CTNND2: variants seen among roughly 807,000 people sequenced by gnomAD.
The protein encoded by CTNND2 is catenin delta 2, also known as catenin delta-2.
Under a neutral mutation model 144.4 loss-of-function variants are expected in CTNND2, and 22 were observed. The observed-to-expected ratio is 0.15, with a 90% CI of 0.11 to 0.22. The LOEUF is 0.22. Ranked by LOEUF, CTNND2 falls within the 10% of genes least tolerant of loss-of-function variation. The pLI is 1.00. For synonymous variants in CTNND2, 751 were observed against 695.6 expected (o/e 1.08, Z -1.25); for missense variants, 1,353 against 1,618.8 (o/e 0.84, Z 2.82).
intron 2 of CTNND2, among the ~76,000 whole-genome samples, chr5:11,698,694 A>G (rs1182430828): frequency 1.3e-5 from 2 of 152,302 alleles, no homozygotes; most frequent in Admixed American, 6.5e-5. Flanking sequence ...AAATTTTCAT[A>G]TAAAGAATTT....
chr5:11,736,718 C>G (rs1412508905), intron 1 of CTNND2, among the ~76,000 whole-genome samples: 1 of 152,110 alleles, frequency 6.6e-6, no homozygotes, highest in Non-Finnish European at 1.5e-5. Flanking sequence ...ATCTGTGCAA[C>G]CAGGAAATCT....
At chr5:11,361,635 A>G (rs1007843651) in intron 8 of CTNND2, among the ~76,000 whole-genome samples, 2 of 152,200 alleles carry the variant, frequency 1.3e-5, no homozygotes, top group African/African-American at 4.8e-5. Flanking sequence ...CACTCCCTGG[A>G]AGAAGTTACA....
chr5:11,404,602 C>CTT (rs555388304), intron 5 of CTNND2, among the ~76,000 whole-genome samples: 7,461 of 57,000 alleles, frequency 0.13, 2,833 homozygotes, highest in Non-Finnish European at 0.2. Flanking sequence ...TATCTGTATT[C>CTT]TTTTTTTTTT....
chr5:11,688,923 C>T (rs75916071), intron 2 of CTNND2, among the ~76,000 whole-genome samples: 6,307 of 152,238 alleles, frequency 0.041, 159 homozygotes, highest in African/African-American at 0.073. Flanking sequence ...TGATCACAGA[C>T]GGAGTTGCCC....
At chr5:11,152,248 C>G (rs889332339) in intron 12 of CTNND2, among the ~76,000 whole-genome samples, 4 of 152,174 alleles carry the variant, frequency 2.6e-5, no homozygotes, top group African/African-American at 9.7e-5. Context: ...TGATATTATG[C>G]AGTAATTTCA....
intron 2 of CTNND2, among the ~76,000 whole-genome samples, chr5:11,619,980 G>A (rs1365021334): frequency 6.6e-6 from 1 of 152,090 alleles, no homozygotes; most frequent in Non-Finnish European, 1.5e-5. Flanking sequence ...TTCAATAAAT[G>A]TTTAAAATAA....
chr5:11,685,859 C>T (rs943526223), intron 2 of CTNND2, among the ~76,000 whole-genome samples: 3 of 152,254 alleles, frequency 2.0e-5, no homozygotes, highest in Admixed American at 6.5e-5. Flanking sequence ...TCTTTACATT[C>T]TCTAAGAATA....
At chr5:11,638,342 TA>T (rs1479851357) in intron 2 of CTNND2, among the ~76,000 whole-genome samples, 1 of 152,212 alleles carries the variant, frequency 6.6e-6, no homozygotes, top group Non-Finnish European at 1.5e-5. Flanking sequence ...ACTTATGGTA[TA>T]ATTCTACTTT....
intron 2 of CTNND2, among the ~76,000 whole-genome samples, chr5:11,660,702 A>T (rs1783154292): frequency 6.6e-6 from 1 of 152,164 alleles, no homozygotes; most frequent in Non-Finnish European, 1.5e-5. Flanking sequence ...TGGTACCCTT[A>T]AAAAAGTCAC....
chr5:11,857,677 T>A (rs983396086), intron 1 of CTNND2, among the ~76,000 whole-genome samples: 4 of 152,188 alleles, frequency 2.6e-5, no homozygotes, highest in Admixed American at 6.5e-5. Flanking sequence ...TAGTGTCATA[T>A]TTAATAAATT....
intron 1 of CTNND2, among the ~76,000 whole-genome samples, chr5:11,880,520 TACTACTACTACC>T (rs1735967321): frequency 1.4e-5 from 1 of 70,764 alleles, no homozygotes. Context: ...CTACTACCAC[TACTACTACTACC>T]ACCACCACTA....
chr5:11,680,634 G>A (rs370470251), intron 2 of CTNND2, among the ~76,000 whole-genome samples: 6 of 152,182 alleles, frequency 3.9e-5, no homozygotes, highest in South Asian at 4.1e-4. Flanking sequence ...CCAAAATATC[G>A]TTCCTATCAG....
At chr5:11,201,292 G>A (rs989936671) in intron 10 of CTNND2, among the ~76,000 whole-genome samples, 13 of 152,144 alleles carry the variant, frequency 8.5e-5, no homozygotes, top group African/African-American at 2.9e-4. Flanking sequence ...TGAATGGAGA[G>A]GGTTAATTAA....
chr5:11,163,103 G>A (rs893226268), intron 11 of CTNND2, among the ~76,000 whole-genome samples: 2 of 152,056 alleles, frequency 1.3e-5, no homozygotes, highest in East Asian at 1.9e-4. Context: ...CCTTCAAATG[G>A]TGGAGCCTAA....
At chr5:11,475,519 T>C (rs1345953732) in intron 3 of CTNND2, among the ~76,000 whole-genome samples, 2 of 152,158 alleles carry the variant, frequency 1.3e-5, no homozygotes, top group African/African-American at 2.4e-5. Context: ...AAATCACACA[T>C]ATAAAGGATG....
intron 21 of CTNND2, among the ~76,000 whole-genome samples, chr5:10,977,517 A>G (rs1736652323): frequency 6.6e-6 from 1 of 152,058 alleles, no homozygotes; most frequent in Non-Finnish European, 1.5e-5. Context: ...CAGTAGTGCA[A>G]TTATGGCTCA....
rs980025434 is a variant in CTNND2 at position 11,022,693 on chromosome 5, C to G, written c.2999+76G>C. The G allele has an allele frequency of 4.0e-5, 43 of 1,064,806 alleles. No individual in the cohort carries two copies. In the East Asian group the frequency reaches 9.9e-4, roughly 25 times the overall value. The allele number at this position is 1,064,806 out of a possible 1,614,324, so 66.0% of individuals were successfully genotyped here. A position where few individuals can be genotyped will look rare whatever the true frequency, so the allele number is the denominator to read the frequency against. ...TTTCCAGTGACAGTCATAGTACTAC[C>G]CGTCATCAGGAGTTGAAAGGCACAT... On this transcript the variant is annotated intron_variant, in intron 17 of 21. Transcript: ENST00000304623.
intron 3 of CTNND2, among the ~76,000 whole-genome samples, chr5:11,487,058 C>T (rs971901228): frequency 6.6e-6 from 1 of 152,092 alleles, no homozygotes. Flanking sequence ...AAATGAGTTA[C>T]ATATTTTTTA....
intron 17 of CTNND2, 27 bp downstream of exon 17, chr5:11,022,742 G>A (rs1323960215): frequency 6.3e-7 from 1 of 1,589,560 alleles, no homozygotes; most frequent in African/African-American, 1.3e-5. Context: ...TACCAGGACA[G>A]AGATATGGCG....
Sources: allele counts gnomAD v4.1 joint callset (sites outside exome capture counted in the v4.1 genomes callset), GRCh38; gene constraint gnomAD v4.1.1; transcripts MANE v1.5; gene names NCBI Gene and HGNC (gene_info 2026-07-23, HGNC 2026-07-21).